CORO1C: variants seen among roughly 807,000 people sequenced by gnomAD.
CORO1C encodes coronin-1C.
CORO1C carries 14 observed loss-of-function variants against 51.2 expected under a neutral mutation model. The observed-to-expected ratio is 0.27, with a 90% CI of 0.18 to 0.43. The LOEUF (loss-of-function observed/expected upper bound fraction) is 0.43, where lower values mean the gene tolerates loss of function less well. CORO1C is among the 20% of genes least tolerant of loss of function. The probability of loss-of-function intolerance (pLI) is 1.00; values close to 1 mark genes in which losing one functional copy is unlikely to be tolerated. For missense variants in CORO1C, 417 were observed against 607.8 expected, an observed-to-expected ratio of 0.69 and a Z score of 3.30; for synonymous variants, 181 against 210.5, an observed-to-expected ratio of 0.86 and a Z score of 1.21.
At chr12:108,718,533 CT>C (rs1555223145) in intron 1 of CORO1C, among the ~76,000 whole-genome samples, 17 of 152,104 alleles carry the variant, frequency 1.1e-4, no homozygotes, top group South Asian at 4.2e-4. Context: ...CAGAGCAAGA[CT>C]CCACCTCAAA....
intron 1 of CORO1C, among the ~76,000 whole-genome samples, chr12:108,713,500 T>C (rs1223332209): frequency 6.6e-6 from 1 of 152,230 alleles, no homozygotes; most frequent in Non-Finnish European, 1.5e-5. Context: ...TTTGTTTCAA[T>C]TCAATAACTC....
intron 1 of CORO1C, among the ~76,000 whole-genome samples, chr12:108,718,380 A>AT: frequency 6.6e-6 from 1 of 151,954 alleles, no homozygotes; most frequent in Middle Eastern, 3.4e-3. Context: ...AAAAAAAAAA[A>AT]AAAATACAAA....
chr12:108,688,489 G>A (rs2136847041), intron 2 of CORO1C, among the ~76,000 whole-genome samples: 2 of 152,274 alleles, frequency 1.3e-5, no homozygotes, highest in East Asian at 3.9e-4. Context: ...CTTCCAATAT[G>A]TCCTACATAT....
At chr12:108,660,865 A>C (rs1025752691) in intron 4 of CORO1C, among the ~76,000 whole-genome samples, 6 of 152,184 alleles carry the variant, frequency 3.9e-5, no homozygotes, top group Non-Finnish European at 8.8e-5. Flanking sequence ...TTTTTTGAAA[A>C]GTGGGCCTTA....
intron 3 of CORO1C, among the ~76,000 whole-genome samples, chr12:108,675,493 G>A (rs1017480266): frequency 6.7e-6 from 1 of 150,096 alleles, no homozygotes; most frequent in Admixed American, 6.6e-5. Flanking sequence ...AAGGAACGGG[G>A]AAAAAAAAAC....
intron 2 of CORO1C, among the ~76,000 whole-genome samples, chr12:108,699,017 A>C (rs2034780962): frequency 6.6e-6 from 1 of 152,184 alleles, no homozygotes; most frequent in Admixed American, 6.5e-5. Context: ...ACCTCCTCTA[A>C]AACAAACTCA....
chr12:108,718,467 G>A (rs962229290), intron 1 of CORO1C, among the ~76,000 whole-genome samples: 5 of 152,000 alleles, frequency 3.3e-5, no homozygotes, highest in East Asian at 3.9e-4. Context: ...ACTTGAACCC[G>A]GGAGGCAGAG....
chr12:108,709,956 T>C (rs1301237095), intron 1 of CORO1C, among the ~76,000 whole-genome samples: 1 of 152,214 alleles, frequency 6.6e-6, no homozygotes, highest in Non-Finnish European at 1.5e-5. Flanking sequence ...CAGTAAGTTA[T>C]TCACTAAGCA....
chr12:108,676,096 A>G (rs760292777), intron 3 of CORO1C, among the ~76,000 whole-genome samples: 1 of 152,244 alleles, frequency 6.6e-6, no homozygotes, highest in Non-Finnish European at 1.5e-5. Context: ...GGCAAGACCA[A>G]TCTAGAGTCT....
intron 1 of CORO1C, among the ~76,000 whole-genome samples, chr12:108,719,632 C>A (rs770280880): frequency 6.6e-6 from 1 of 152,172 alleles, no homozygotes; most frequent in Admixed American, 6.5e-5. Flanking sequence ...CTGGGCAGGG[C>A]ACACCTAGAG....
chr12:108,730,213 G>A (rs1214698760), intron 1 of CORO1C: 3 of 152,218 alleles, frequency 2.0e-5, no homozygotes, highest in Non-Finnish European at 4.4e-5. Context: ...AACATGTAGA[G>A]CAAGCACTTT....
intron 4 of CORO1C, among the ~76,000 whole-genome samples, chr12:108,660,665 G>A (rs938460096): frequency 2.6e-5 from 4 of 152,120 alleles, no homozygotes; most frequent in Admixed American, 2.0e-4. Flanking sequence ...ACATGTAAAA[G>A]GGAGAATGCA....
At position 108,689,812 on chromosome 12, in the gene CORO1C, C is replaced by A. The variant is rs1038768567; in HGVS notation, c.195+11312G>T. 1.4e-4 allele frequency among the ~76,000 whole-genome samples: 22 copies of A among 152,162 alleles called. 1 individual carries two copies. The highest frequency in any genetic ancestry group is 2.4e-4 in the Non-Finnish European group (16 of 68,036). ...TCACTTTATGTGCCCAAATTTCAAT[C>A]ATAACTTATTTTTGGCTTTGGGTGA... On this transcript the variant is annotated intron_variant, in intron 2 of 10. Transcript: ENST00000261401.
At chr12:108,701,387 A>G in intron 1 of CORO1C, 64 bp from the exon 2 acceptor site, 1 of 1,606,940 alleles carries the variant, frequency 6.2e-7, no homozygotes, top group Non-Finnish European at 8.5e-7. Flanking sequence ...TACTTTTACA[A>G]ATGAAATGCT....
chr12:108,701,403 TAGGA>T lies in CORO1C; in HGVS notation c.-5-84_-5-81del. 3 of 1,594,156 alleles carry T rather than the reference TAGGA, an allele frequency of 1.9e-6. No individual in the cohort carries two copies. In the East Asian group the frequency reaches 6.7e-5, roughly 36 times the overall value. On this transcript the variant is annotated intron_variant, in intron 1 of 10. Transcript: ENST00000261401. Reference sequence around the variant, plus strand: ...ACTTTTACAAATGAAATGCTCCAAGTAGGAAAAACAGAATGGTATGGCATTTTGT... The same window carrying T: ...ACTTTTACAAATGAAATGCTCCAAGTAAAACAGAATGGTATGGCATTTTGT...
intron 8 of CORO1C, among the ~76,000 whole-genome samples, chr12:108,650,325 C>T (rs749807871): frequency 1.3e-5 from 2 of 151,358 alleles, no homozygotes; most frequent in Non-Finnish European, 2.9e-5. Context: ...ACCACAGGTA[C>T]GTACTACCAC....
At chr12:108,721,154 C>T (rs138711843) in intron 1 of CORO1C, among the ~76,000 whole-genome samples, 83 of 152,362 alleles carry the variant, frequency 5.4e-4, no homozygotes, top group African/African-American at 2.0e-3. Flanking sequence ...ATCACTAACA[C>T]TAGTGACACC....
At position 108,678,018 on chromosome 12, in the gene CORO1C, CA is replaced by C. The variant is rs139621669; in HGVS notation, c.318+253del. 2.5e-3 allele frequency among the ~76,000 whole-genome samples: 337 copies of C among 132,512 alleles called. 1 individual carries two copies. Among genetic ancestry groups the C allele is most frequent in the African/African-American group, 4.0e-3 (146 of 36,752 alleles). The allele number at this position is 132,512 out of a possible 152,430, so 86.9% of individuals were successfully genotyped here. On this transcript the variant is annotated intron_variant, in intron 3 of 10. Coordinates refer to ENST00000261401, the MANE Select transcript of CORO1C (RefSeq NM_014325.4). Reference sequence around the variant, plus strand: ...TGGGTGACAGAGCAAGACTCCATCTCAAAAAAAAAAAAGAAAAAGAAAGACA... The same window carrying C: ...TGGGTGACAGAGCAAGACTCCATCTCAAAAAAAAAAAGAAAAAGAAAGACA...
intron 2 of CORO1C, among the ~76,000 whole-genome samples, chr12:108,697,353 T>C (rs1170429377): frequency 6.6e-6 from 1 of 152,178 alleles, no homozygotes. Flanking sequence ...CAGAAGCCCA[T>C]GAGATAATTA....
Sources: gnomAD v4.1 joint callset for allele counts (sites outside exome capture counted in the v4.1 genomes callset) on GRCh38, gnomAD v4.1.1 for gene constraint, MANE v1.5 for transcripts, NCBI Gene and HGNC (gene_info 2026-07-23, HGNC 2026-07-21) for gene names.